Variants in DGCR8 observed in about 807,000 individuals in gnomAD.
DGCR8 encodes the protein DGCR8 microprocessor complex subunit, also known as microprocessor complex subunit DGCR8.
A neutral mutation model predicts 78.5 loss-of-function variants in DGCR8; 14 were observed. The observed-to-expected ratio is 0.18, with a 90% CI of 0.12 to 0.28. DGCR8 has a LOEUF of 0.28. Among genes scored for constraint, DGCR8 ranks in the 10% least tolerant of loss-of-function variants. The pLI, the probability that DGCR8 is intolerant of heterozygous loss-of-function variation, is 1.00. For missense variants in DGCR8, 702 were observed against 1,022.5 expected, an observed-to-expected ratio of 0.69 and a Z score of 4.28; for synonymous variants, 399 against 402.4, an observed-to-expected ratio of 0.99 and a Z score of 0.10.
chr22:20,107,510 G>A, intron 12 of DGCR8, 112 bp downstream of exon 12: 1 of 1,372,600 alleles, frequency 7.3e-7, no homozygotes, highest in South Asian at 1.3e-5. Context: ...GTTGCTCACA[G>A]CTGCCTCTCT....
chr22:20,107,460 G>C, intron 12 of DGCR8, 62 bp downstream of exon 12: 1 of 1,603,910 alleles, frequency 6.2e-7, no homozygotes, highest in East Asian at 2.2e-5. Context: ...GTATTCCTGA[G>C]GCTCTGTGCT....
At chr22:20,081,944 C>T (rs755293841) in intron 1 of DGCR8, among the ~76,000 whole-genome samples, 1 of 152,212 alleles carries the variant, frequency 6.6e-6, no homozygotes, top group Non-Finnish European at 1.5e-5. Flanking sequence ...AACATCCTGG[C>T]CCAGCCTACC....
Position 20,086,376 on chromosome 22 carries a change from C to T in DGCR8, c.413C>T (p.Thr138Ile). Residue 138 changes from threonine (T) to isoleucine (I), a missense_variant, in exon 2 of 14, where the codon ACA becomes ATA. Thr to Ile is a moderately conservative substitution (Grantham distance 89). Around this residue, in one of 4 missense-constraint regions of DGCR8, gnomAD observed 356 missense variants for 448.9 expected, o/e 0.79. Transcript: ENST00000351989. This position sits in a 1 kb window ranked among gnomAD's most constrained non-coding sequence, Gnocchi z 6.4. ...AGTAAGGACAGGAAGGTGCTGTACA[C>T]AGGAGCAGAGCGCGACGTGCGGGCG... ...CRSKDRKVLYTGAERDVRAEC... is the reference protein window; with the variant it reads ...CRSKDRKVLYIGAERDVRAEC... 6.2e-7 allele frequency: 1 copy of T among 1,614,002 alleles called. No individual in the cohort carries two copies. The highest frequency in any genetic ancestry group is 8.5e-7 in the Non-Finnish European group (1 of 1,180,026).
intron 1 of DGCR8, among the ~76,000 whole-genome samples, chr22:20,083,902 T>C (rs2049446973): frequency 6.6e-6 from 1 of 152,224 alleles, no homozygotes; most frequent in African/African-American, 2.4e-5. Flanking sequence ...CAGCACTTTA[T>C]AGTCAGTTGT....
intron 9 of DGCR8, among the ~76,000 whole-genome samples, chr22:20,096,218 GA>G (rs2049627434): frequency 6.6e-6 from 1 of 152,212 alleles, no homozygotes; most frequent in African/African-American, 2.4e-5. Flanking sequence ...TCATAAGGAA[GA>G]GAAAATTTAT....
At chr22:20,094,564 AC>A in intron 8 of DGCR8, 148 bp from the exon 9 acceptor site, 1 of 710,014 alleles carries the variant, frequency 1.4e-6, no homozygotes, top group Non-Finnish European at 2.5e-6. Context: ...TCCTCTCCTG[AC>A]CCTGTCACTG....
intron 9 of DGCR8, among the ~76,000 whole-genome samples, chr22:20,098,278 T>A (rs1407163311): frequency 6.6e-6 from 1 of 152,114 alleles, no homozygotes; most frequent in Non-Finnish European, 1.5e-5. Context: ...GACGTGCCAC[T>A]GTGCTGGCAT....
intron 9 of DGCR8, among the ~76,000 whole-genome samples, chr22:20,096,754 C>T (rs186734718): frequency 5.9e-5 from 9 of 152,268 alleles, no homozygotes; most frequent in Admixed American, 2.6e-4. Context: ...TTCATATTAG[C>T]GGAATCATAC....
At chr22:20,097,379 T>G (rs1365535261) in intron 9 of DGCR8, among the ~76,000 whole-genome samples, 1 of 152,250 alleles carries the variant, frequency 6.6e-6, no homozygotes, top group East Asian at 1.9e-4. Flanking sequence ...GATTATCTAT[T>G]TCTTCTTGAG....
intron 11 of DGCR8, chr22:20,107,070 C>CT (rs2049779563): frequency 6.5e-6 from 4 of 619,014 alleles, no homozygotes; most frequent in East Asian, 5.5e-5. Flanking sequence ...CTCCTAGACT[C>CT]TGAGGGCCAC....
chr22:20,101,675 G>A (rs2049703893), intron 9 of DGCR8: 6 of 985,280 alleles, frequency 6.1e-6, no homozygotes, highest in Non-Finnish European at 6.0e-6. Context: ...GGTGGTGGGG[G>A]TGTTTAGACA....
rs910458194 is a variant in DGCR8 at position 20,111,156 on chromosome 22, C to T, written c.*1048C>T. ...GCTGCCTGGTGCCCAGCTTGCTTCT[C>T]GACTGGTGGCCCCTATGGGTGGGTG... On this transcript the variant is annotated 3_prime_UTR_variant, in exon 14 of 14. Transcript: ENST00000351989. 3.8e-5 allele frequency: 15 copies of T among 398,538 alleles called. No individual in the cohort carries two copies. The highest frequency in any genetic ancestry group is 1.8e-4 in the East Asian group (5 of 28,080). The allele number at this position is 398,538 out of a possible 1,614,324, so 24.7% of individuals were successfully genotyped here.
intron 9 of DGCR8, chr22:20,102,274 G>A (rs2049712090): frequency 5.1e-6 from 1 of 197,978 alleles, no homozygotes. Flanking sequence ...GCACTGAACT[G>A]CCCCTGTAGT....
chr22:20,086,037 G>T lies in DGCR8; in HGVS notation c.74G>T (p.Arg25Leu), dbSNP rs201011065. 4.3e-6 allele frequency: 7 copies of T among 1,613,764 alleles called. No individual in the cohort carries two copies. Among genetic ancestry groups the T allele is most frequent in the Non-Finnish European group, 5.9e-6 (7 of 1,179,984 alleles). The change falls in exon 2 of 14, where the codon CGC becomes CTC. Residue 25 changes from arginine (R) to leucine (L), a missense_variant. Transcript: ENST00000351989. The surrounding 1 kb of genome is among the most constrained non-coding windows in gnomAD (Gnocchi z 6.4). ...AGEAVMESRA[R>L]PFQALPREQS... ...GAAGCGGTGATGGAGAGCCGAGCTC[G>T]CCCCTTCCAAGCGCTGCCCCGTGAG...
intron 13 of DGCR8, 153 bp downstream of exon 13, chr22:20,109,156 T>C (rs1455760363): frequency 3.4e-5 from 19 of 557,650 alleles, no homozygotes; most frequent in Non-Finnish European, 5.9e-5. Flanking sequence ...TTCTTTGAGC[T>C]TCGACATGTG....
intron 12 of DGCR8, chr22:20,107,630 G>A: frequency 1.8e-6 from 1 of 550,184 alleles, no homozygotes; most frequent in Non-Finnish European, 3.3e-6. Flanking sequence ...GGGAACGCAG[G>A]CTGGGCCCAG....
At position 20,089,941 on chromosome 22, in the gene DGCR8, C is replaced by G; in HGVS notation, c.1024-35C>G. On this transcript the variant is annotated intron_variant, in intron 4 of 13. Transcript: ENST00000351989. The surrounding 1 kb of genome is among the most constrained non-coding windows in gnomAD (Gnocchi z 4.9). ...TCAGAGTTTCAGACTCTCGGGTTGT[C>G]CTTGTAATCCATATTGCAATTTCAC... The G allele has an allele frequency of 6.3e-7, 1 of 1,590,834 alleles. No individual in the cohort carries two copies. The highest frequency in any genetic ancestry group is 8.6e-7 in the Non-Finnish European group (1 of 1,166,586).
chr22:20,080,518 G>A, intron 1 of DGCR8, 135 bp downstream of exon 1: 1 of 981,026 alleles, frequency 1.0e-6, no homozygotes, highest in Non-Finnish European at 1.2e-6. Context: ...CCCGGCCTTT[G>A]TGAGGCAACA....
At chr22:20,094,894 C>A (rs2049610247) in intron 9 of DGCR8, 99 bp downstream of exon 9, 2 of 971,364 alleles carry the variant, frequency 2.1e-6, no homozygotes, top group South Asian at 1.4e-5. Context: ...TGTGCTCATG[C>A]CTTCCATGCC....
Sources: allele counts gnomAD v4.1 joint callset (sites outside exome capture counted in the v4.1 genomes callset), GRCh38; gene constraint gnomAD v4.1.1; regional missense constraint gnomAD v4.1.1; non-coding constraint Gnocchi (gnomAD v3.1); transcripts MANE v1.5; gene names NCBI Gene and HGNC (gene_info 2026-07-23, HGNC 2026-07-21).